Variants in BCAS3 observed in about 807,000 individuals in gnomAD.
BCAS3 encodes BCAS3 microtubule associated cell migration factor, also known as BCAS4/BCAS3 fusion.
In BCAS3, 53 loss-of-function variants were observed where a neutral mutation model predicts 116.1. The ratio of observed to expected loss-of-function variants is 0.46; its 90% CI spans 0.37 to 0.57. The LOEUF (loss-of-function observed/expected upper bound fraction) is 0.57. Among genes scored for constraint, BCAS3 ranks in the 20% least tolerant of loss-of-function variants. BCAS3 has a pLI of 0.00. For missense variants in BCAS3, 917 were observed against 1,165.4 expected (o/e 0.79, Z 3.10); for synonymous variants, 391 against 408.2 (o/e 0.96, Z 0.51).
chr17:60,977,099 G>A (rs897753839), intron 14 of BCAS3, among the ~76,000 whole-genome samples: 44 of 151,592 alleles, frequency 2.9e-4, no homozygotes, highest in Admixed American at 1.8e-3. Flanking sequence ...GTGGCTGGCC[G>A]GGCGGGGGCT....
At chr17:61,231,546 A>G (rs2082679806) in intron 22 of BCAS3, among the ~76,000 whole-genome samples, 1 of 152,178 alleles carries the variant, frequency 6.6e-6, no homozygotes, top group South Asian at 2.1e-4. Context: ...TGCAGAAACC[A>G]TGCTGGGCAT....
At chr17:60,874,177 C>A (rs917042764) in intron 8 of BCAS3, among the ~76,000 whole-genome samples, 1 of 152,122 alleles carries the variant, frequency 6.6e-6, no homozygotes. Flanking sequence ...AGTGATCCTC[C>A]TGCCTCAGCC....
In BCAS3 at chr17:61,214,818, T is replaced by A. The variant is rs1009815889; in HGVS notation, c.2425+130254T>A. On this transcript the variant is annotated intron_variant, in intron 22 of 23. Transcript: ENST00000407086. The surrounding 1 kb of genome is among the most constrained non-coding windows in gnomAD (Gnocchi z 4.4). ...GGCTTTTCTGGAAATTACTGAAAGC[T>A]AATTCTTCAGAAGAGTATGTTCTAG... Among the ~76,000 whole-genome samples the A allele has an allele frequency of 1.3e-5, 2 of 152,288 alleles. No individual in the cohort carries two copies. Among genetic ancestry groups the A allele is most frequent in the Admixed American group, 1.3e-4 (2 of 15,290 alleles).
chr17:60,990,562 C>A lies in BCAS3; in HGVS notation c.1486+327C>A, dbSNP rs532757234. Among the ~76,000 whole-genome samples, 1 of 151,854 alleles carries A rather than the reference C, an allele frequency of 6.6e-6. No homozygotes were observed. The highest frequency in any genetic ancestry group is 2.1e-4 in the South Asian group (1 of 4,808). On this transcript the variant is annotated intron_variant, in intron 15 of 23. Coordinates refer to ENST00000407086, the MANE Select transcript of BCAS3 (RefSeq NM_017679.5). The surrounding 1 kb of genome is among the most constrained non-coding windows in gnomAD (Gnocchi z 5.1). ...TATCTCTTCCAGAACATTCTATGTT[C>A]AATGGGACACTATAGTTTATTAAGA...
intron 22 of BCAS3, among the ~76,000 whole-genome samples, chr17:61,149,289 TG>T (rs2077414723): frequency 6.6e-6 from 1 of 152,164 alleles, no homozygotes; most frequent in Admixed American, 6.5e-5. Flanking sequence ...ATTATTATTA[TG>T]TACAGCTGTA....
intron 6 of BCAS3, among the ~76,000 whole-genome samples, chr17:60,774,546 T>C (rs1015407984): frequency 6.6e-6 from 1 of 152,264 alleles, no homozygotes. Flanking sequence ...GACTATTTTG[T>C]ATTCCTTTAA....
At chr17:60,991,364 A>G (rs574525549) in intron 15 of BCAS3, among the ~76,000 whole-genome samples, 1 of 152,132 alleles carries the variant, frequency 6.6e-6, no homozygotes, top group African/African-American at 2.4e-5. Flanking sequence ...TGTACATTGC[A>G]TGGTTTCAGG....
chr17:60,854,050 C>G (rs1288043532), intron 7 of BCAS3, among the ~76,000 whole-genome samples: 1 of 152,108 alleles, frequency 6.6e-6, no homozygotes, highest in African/African-American at 2.4e-5. Flanking sequence ...TCCTTCCCCC[C>G]TCCCCCAACC....
Position 61,323,530 on chromosome 17 carries a change from A to G in BCAS3, c.2426-44797A>G, listed in dbSNP as rs2055484555. On this transcript the variant is annotated intron_variant, in intron 22 of 23. Coordinates refer to ENST00000407086, the MANE Select transcript of BCAS3 (RefSeq NM_017679.5). The surrounding 1 kb of genome is among the most constrained non-coding windows in gnomAD (Gnocchi z 4.6). ...TCCTACCTGGGAGGATTGATATGGA[A>G]GAGAAAAGTTGTTGATAATGTAAAA... Among the ~76,000 whole-genome samples, 1 of 152,204 alleles carries G rather than the reference A, an allele frequency of 6.6e-6. No individual in the cohort carries two copies.
At chr17:60,784,590 A>T (rs892367147) in intron 6 of BCAS3, among the ~76,000 whole-genome samples, 1 of 151,158 alleles carries the variant, frequency 6.6e-6, no homozygotes, top group Non-Finnish European at 1.5e-5. Flanking sequence ...GGCGTGAGCC[A>T]CTGCGCCCAG....
chr17:61,110,148 G>A (rs1490928770), intron 22 of BCAS3, among the ~76,000 whole-genome samples: 1 of 152,184 alleles, frequency 6.6e-6, no homozygotes, highest in Non-Finnish European at 1.5e-5. Flanking sequence ...AGAGCATGCA[G>A]TTTCATTCTT....
chr17:60,789,083 A>G (rs1001708272), intron 6 of BCAS3, among the ~76,000 whole-genome samples: 4 of 152,206 alleles, frequency 2.6e-5, no homozygotes, highest in Admixed American at 6.5e-5. Context: ...TAGTTGTTCA[A>G]TGGAATCCTT....
At chr17:60,812,567 C>G (rs1050488364) in intron 7 of BCAS3, among the ~76,000 whole-genome samples, 3 of 152,024 alleles carry the variant, frequency 2.0e-5, no homozygotes, top group African/African-American at 7.3e-5. Context: ...TTAAGTTGCT[C>G]CAGGGGAGGA....
At chr17:60,745,862 CAACTT>C (rs1408172189) in intron 5 of BCAS3, among the ~76,000 whole-genome samples, 1 of 152,060 alleles carries the variant, frequency 6.6e-6, no homozygotes, top group Non-Finnish European at 1.5e-5. Flanking sequence ...GGCGTTATCA[CAACTT>C]AACATTTTAA....
At chr17:61,268,724 ATT>A (rs1475158188) in intron 22 of BCAS3, among the ~76,000 whole-genome samples, 1 of 151,966 alleles carries the variant, frequency 6.6e-6, no homozygotes, top group African/African-American at 2.4e-5. Flanking sequence ...AACCCAGCTA[ATT>A]TTTGTATTTT....
intron 4 of BCAS3, among the ~76,000 whole-genome samples, chr17:60,693,067 G>C (rs1026228764): frequency 2.6e-5 from 4 of 151,688 alleles, no homozygotes; most frequent in African/African-American, 4.9e-5. Flanking sequence ...GGAGAAACAG[G>C]GTTTCACCAT....
chr17:60,765,211 G>A (rs1446999466), intron 6 of BCAS3, among the ~76,000 whole-genome samples: 1 of 152,152 alleles, frequency 6.6e-6, no homozygotes, highest in Non-Finnish European at 1.5e-5. Context: ...ATATTGTTAT[G>A]TGTGAATATG....
chr17:61,139,855 G>GA lies in BCAS3; in HGVS notation c.2425+55297dup, dbSNP rs897012612. Among the ~76,000 whole-genome samples the GA allele has an allele frequency of 2.6e-5, 4 of 152,208 alleles. No individual in the cohort carries two copies. The highest frequency in any genetic ancestry group is 4.8e-5 in the African/African-American group (2 of 41,530). ...ATGGGTGATCAGAGAAAGTTTTATG[G>GA]AAAAAATGCCGTTTGAGCTAGAATT... On this transcript the variant is annotated intron_variant, in intron 22 of 23. Transcript: ENST00000407086. This position sits in a 1 kb window ranked among gnomAD's most constrained non-coding sequence, Gnocchi z 4.7.
chr17:60,840,408 G>T (rs2051795554), intron 7 of BCAS3, among the ~76,000 whole-genome samples: 1 of 152,058 alleles, frequency 6.6e-6, no homozygotes. Context: ...CTTAGTCTTT[G>T]CAAAAAGCTC....
Sources: allele counts gnomAD v4.1 joint callset (sites outside exome capture counted in the v4.1 genomes callset), GRCh38; gene constraint gnomAD v4.1.1; non-coding constraint Gnocchi (gnomAD v3.1); transcripts MANE v1.5; gene names NCBI Gene and HGNC (gene_info 2026-07-23, HGNC 2026-07-21).